C17orf67: variants seen among roughly 807,000 people sequenced by gnomAD.
The protein encoded by C17orf67 is chromosome 17 open reading frame 67.
Under a neutral mutation model 11.2 loss-of-function variants are expected in C17orf67, and 12 were observed. That is an observed-to-expected ratio of 1.07 (90% CI 0.68 to 1.73). C17orf67 has a LOEUF of 1.73. Among genes scored for constraint, C17orf67 ranks in the 40% most tolerant of loss-of-function variants. The pLI, the probability that C17orf67 is intolerant of heterozygous loss-of-function variation, is 0.00. For missense variants in C17orf67, 115 were observed against 113.5 expected, an observed-to-expected ratio of 1.01 and a Z score of -0.06; for synonymous variants, 59 against 46.9, an observed-to-expected ratio of 1.26 and a Z score of -1.05.
chr17:56,807,211 G>A (rs1905473366), intron 6 of C17orf67, among the ~76,000 whole-genome samples: 1 of 152,198 alleles, frequency 6.6e-6, no homozygotes, highest in South Asian at 2.1e-4. Flanking sequence ...CCTAGCAGCG[G>A]GAGCCACCAA....
At chr17:56,815,276 G>C (rs1905731475) in intron 5 of C17orf67, among the ~76,000 whole-genome samples, 1 of 152,114 alleles carries the variant, frequency 6.6e-6, no homozygotes, top group Non-Finnish European at 1.5e-5. Flanking sequence ...TGTGTCTTAG[G>C]TTTGCTTTCA....
chr17:56,799,984 G>GA (rs71139937), intron 6 of C17orf67, among the ~76,000 whole-genome samples: 58 of 140,352 alleles, frequency 4.1e-4, no homozygotes, highest in African/African-American at 1.2e-3. Context: ...TTAAAGTCAT[G>GA]AAAAAAAAAA....
chr17:56,828,020 T>C (rs1906085820), intron 2 of C17orf67, among the ~76,000 whole-genome samples: 1 of 147,218 alleles, frequency 6.8e-6, no homozygotes, highest in Non-Finnish European at 1.5e-5. Flanking sequence ...TCCCAGCCAA[T>C]ATGGTGAAAC....
intron 6 of C17orf67, among the ~76,000 whole-genome samples, chr17:56,814,645 A>T (rs1340951204): frequency 1.3e-5 from 2 of 152,166 alleles, no homozygotes; most frequent in African/African-American, 4.8e-5. Context: ...CATTGGCCTC[A>T]TTATTTTCTA....
chr17:56,831,583 C>A (rs1291703680), intron 2 of C17orf67, among the ~76,000 whole-genome samples: 1 of 152,094 alleles, frequency 6.6e-6, no homozygotes, highest in African/African-American at 2.4e-5. Context: ...AAGTCCTGGG[C>A]AGATTCCAAG....
chr17:56,795,068 A>G lies in C17orf67; in HGVS notation c.269T>C (p.Val90Ala). 2 of 1,613,624 alleles carry G rather than the reference A, an allele frequency of 1.2e-6. No individual in the cohort carries two copies. The highest frequency in any genetic ancestry group is 8.5e-7 in the Non-Finnish European group (1 of 1,179,670). ...PHCDRNRIHP[V>A] ...CCGAGGCTGGTCCTGATCCCCTTAC[A>G]CAGGATGAATCCTGTTCCTGTCACA... The change falls in exon 7 of 8, where the codon GTG becomes GCG. Residue 90 changes from valine (V) to alanine (A), a missense_variant. Val to Ala is a moderately conservative substitution (Grantham distance 64). Transcript: ENST00000397861.
chr17:56,792,513 ATAGTGG>A (rs1905122136), intron 7 of C17orf67, among the ~76,000 whole-genome samples, 161 bp from the exon 8 acceptor site: 2 of 123,054 alleles, frequency 1.6e-5, no homozygotes, highest in African/African-American at 6.1e-5. Context: ...GATAATGATG[ATAGTGG>A]TGGTGGTGGT....
At chr17:56,832,825 A>G (rs1027692419) in intron 2 of C17orf67, 73 bp downstream of exon 2, 4 of 152,248 alleles carry the variant, frequency 2.6e-5, no homozygotes, top group African/African-American at 9.6e-5. Flanking sequence ...TTTATCTTCT[A>G]CAGTTAATAC....
At chr17:56,801,805 T>C (rs975612082) in intron 6 of C17orf67, among the ~76,000 whole-genome samples, 46 of 152,208 alleles carry the variant, frequency 3.0e-4, no homozygotes, top group Admixed American at 8.5e-4. Flanking sequence ...GTGTGCAGTC[T>C]TGTAAATAAG....
At chr17:56,810,930 G>T (rs1905607648) in intron 6 of C17orf67, among the ~76,000 whole-genome samples, 1 of 152,228 alleles carries the variant, frequency 6.6e-6, no homozygotes, top group Admixed American at 6.5e-5. Context: ...ATCCATAAAA[G>T]AAGAAGTCAA....
intron 6 of C17orf67, among the ~76,000 whole-genome samples, chr17:56,798,202 G>T (rs1405109090): frequency 6.6e-6 from 1 of 152,210 alleles, no homozygotes; most frequent in African/African-American, 2.4e-5. Context: ...CCTCTGCCCA[G>T]CTTAGGCCCC....
intron 6 of C17orf67, among the ~76,000 whole-genome samples, chr17:56,808,642 C>T (rs950337186): frequency 1.3e-5 from 2 of 152,210 alleles, no homozygotes; most frequent in African/African-American, 4.8e-5. Context: ...GTCCTTCCCA[C>T]CACCAAGTCA....
intron 6 of C17orf67, among the ~76,000 whole-genome samples, chr17:56,812,042 C>A (rs966916141): frequency 6.6e-6 from 1 of 152,188 alleles, no homozygotes; most frequent in Non-Finnish European, 1.5e-5. Flanking sequence ...AATTTAAATT[C>A]CCCAGGTGGT....
At chr17:56,816,034 G>T in intron 4 of C17orf67, 24 bp from the exon 5 acceptor site, 1 of 795,036 alleles carries the variant, frequency 1.3e-6, no homozygotes, top group Non-Finnish European at 1.8e-6. Flanking sequence ...TTGTTCCTCT[G>T]TAATATGACT....
At chr17:56,807,693 A>C (rs17822462) in intron 6 of C17orf67, among the ~76,000 whole-genome samples, 18,066 of 151,902 alleles carry the variant, frequency 0.12, 1,163 homozygotes, top group South Asian at 0.16. Context: ...ATCTTCATTA[A>C]TTTCTCCCCA....
chr17:56,825,401 T>C (rs1446147699), intron 2 of C17orf67, 80 bp from the exon 3 acceptor site: 1 of 152,234 alleles, frequency 6.6e-6, no homozygotes, highest in African/African-American at 2.4e-5. Flanking sequence ...CAAATATTAT[T>C]ATTACTTTTA....
At chr17:56,793,910 C>A (rs943770897) in intron 7 of C17orf67, among the ~76,000 whole-genome samples, 2 of 152,166 alleles carry the variant, frequency 1.3e-5, no homozygotes, top group Non-Finnish European at 2.9e-5. Context: ...CCATCCCTAC[C>A]CCTCAAAAGC....
intron 4 of C17orf67, among the ~76,000 whole-genome samples, chr17:56,816,470 G>A (rs1336131238): frequency 6.6e-6 from 1 of 152,184 alleles, no homozygotes; most frequent in African/African-American, 2.4e-5. Context: ...TAAAGGATGA[G>A]GGGAAAGCTA....
In C17orf67 at chr17:56,815,765, CAG is replaced by C. The variant is rs760256673; in HGVS notation, c.44_45del (p.Thr15SerfsTer25). The stretch of plus-strand genomic sequence containing the variant: ...TGGAGTCAGTGCCCACCTGAGAAGA[CAG>C]TCAGTAAGGTAAGAGACAGCACGAG... Reference protein sequence around the residue: ...PVLVLSLTLLTVFSETSPILT... With the variant: ...PVLVLSLTLLXVFSETSPILT... On this transcript the variant is annotated frameshift_variant, in exon 5 of 8. Transcript: ENST00000397861. LOFTEE classifies it high-confidence loss of function. The C allele has an allele frequency of 1.9e-6, 3 of 1,610,308 alleles. No individual in the cohort carries two copies. The highest frequency in any genetic ancestry group is 1.7e-6 in the Non-Finnish European group (2 of 1,177,426).
Sources: allele counts gnomAD v4.1 joint callset (sites outside exome capture counted in the v4.1 genomes callset), GRCh38; gene constraint gnomAD v4.1.1; transcripts MANE v1.5; gene names NCBI Gene and HGNC (gene_info 2026-07-23, HGNC 2026-07-21).